The following MAP4K5 variants were observed in gnomAD, a reference collection of about 807,000 sequenced individuals.
MAP4K5 encodes MAPK/ERK kinase kinase kinase 5.
MAP4K5 carries 82 observed loss-of-function variants against 135.6 expected under a neutral mutation model. The ratio of observed to expected loss-of-function variants is 0.60; its 90% CI spans 0.51 to 0.73. MAP4K5 has a LOEUF of 0.73. MAP4K5 is among the 30% of genes least tolerant of loss of function. The pLI is 0.00. For synonymous variants in MAP4K5, 347 were observed against 335.0 expected, an observed-to-expected ratio of 1.04 and a Z score of -0.39; for missense variants, 907 against 1,010.9, an observed-to-expected ratio of 0.90 and a Z score of 1.39.
At chr14:50,448,493 A>T (rs1053203588) in intron 15 of MAP4K5, among the ~76,000 whole-genome samples, 1 of 151,988 alleles carries the variant, frequency 6.6e-6, no homozygotes, top group Non-Finnish European at 1.5e-5. Context: ...AGGTCCTAAG[A>T]GCTTAAAGCT....
At chr14:50,443,093 C>T (rs2036263172) in intron 20 of MAP4K5, among the ~76,000 whole-genome samples, 1 of 152,068 alleles carries the variant, frequency 6.6e-6, no homozygotes, top group Non-Finnish European at 1.5e-5. Context: ...TTTTAAGTTA[C>T]TACTATTTTT....
intron 26 of MAP4K5, among the ~76,000 whole-genome samples, chr14:50,437,274 G>C (rs2036115934): frequency 1.3e-5 from 2 of 152,154 alleles, no homozygotes; most frequent in South Asian, 4.1e-4. Flanking sequence ...TATGCTCTGA[G>C]AAAACGCTAA....
intron 2 of MAP4K5, among the ~76,000 whole-genome samples, chr14:50,523,154 A>G (rs2038186754): frequency 6.6e-6 from 1 of 152,112 alleles, no homozygotes; most frequent in African/African-American, 2.4e-5. Flanking sequence ...TCTACTAAAA[A>G]TACAAAATTA....
Position 50,560,252 on chromosome 14 carries a change from G to C in MAP4K5, c.-180+788C>G, listed in dbSNP as rs769399436. ...CAGTGACAGCGCCTCACCGCCACCAGCTCCTGGACCACCATGGCCAAGAAC... is the reference window on the plus strand; with the variant it reads ...CAGTGACAGCGCCTCACCGCCACCACCTCCTGGACCACCATGGCCAAGAAC... On this transcript the variant is annotated intron_variant, in intron 1 of 8. Coordinates refer to the MAP4K5 transcript ENST00000555216. 8.1e-6 allele frequency: 13 copies of C among 1,613,862 alleles called. No individual in the cohort carries two copies. In the South Asian group the frequency reaches 1.3e-4, roughly 16 times the overall value.
chr14:50,424,649 GCAGTGAGCTGAGATTGTGCCGCTGCACTC>G (rs2035806002), intron 31 of MAP4K5, among the ~76,000 whole-genome samples: 2 of 147,320 alleles, frequency 1.4e-5, no homozygotes, highest in African/African-American at 5.0e-5. Context: ...GGTGGAGGTT[GCAGTGAGCTGAGATTGTGCCGCTGCACTC>G]CAGCCTGGGC....
chr14:50,508,923 C>T (rs2037870507), intron 2 of MAP4K5, among the ~76,000 whole-genome samples: 1 of 152,074 alleles, frequency 6.6e-6, no homozygotes, highest in East Asian at 1.9e-4. Flanking sequence ...TATAAAGACA[C>T]ATGCACATGT....
intron 13 of MAP4K5, among the ~76,000 whole-genome samples, chr14:50,457,606 T>C (rs2036619383): frequency 6.6e-6 from 1 of 151,992 alleles, no homozygotes; most frequent in Non-Finnish European, 1.5e-5. Flanking sequence ...ACTTATTTTC[T>C]GACCCCATCT....
At chr14:50,448,720 A>C in intron 15 of MAP4K5, 54 bp downstream of exon 15, 1 of 1,115,744 alleles carries the variant, frequency 9.0e-7, no homozygotes, top group Non-Finnish European at 1.3e-6. Context: ...CTAACAAAAA[A>C]AAAGTTTTCT....
chr14:50,443,414 C>T (rs1031108528), intron 20 of MAP4K5, among the ~76,000 whole-genome samples: 2 of 152,026 alleles, frequency 1.3e-5, no homozygotes, highest in African/African-American at 4.8e-5. Flanking sequence ...GTGAAAATCA[C>T]TTTAGAGGTA....
intron 13 of MAP4K5, among the ~76,000 whole-genome samples, chr14:50,458,792 T>C (rs1334521742): frequency 6.6e-6 from 1 of 152,068 alleles, no homozygotes; most frequent in East Asian, 1.9e-4. Flanking sequence ...CAAATTTATA[T>C]TTTTATTATT....
intron 11 of MAP4K5, among the ~76,000 whole-genome samples, chr14:50,465,002 C>G (rs568481409): frequency 6.6e-6 from 1 of 152,178 alleles, no homozygotes; most frequent in Non-Finnish European, 1.5e-5. Context: ...CCGTTCAGTT[C>G]CAGATGTCTA....
At chr14:50,462,809 G>A in intron 12 of MAP4K5, 28 bp from the exon 13 acceptor site, 1 of 1,296,288 alleles carries the variant, frequency 7.7e-7, no homozygotes, top group South Asian at 1.2e-5. Context: ...GAAATTTCAT[G>A]AGTATGCCTT....
At chr14:50,533,191 G>A (rs2038443508), upstream of MAP4K5, 1 of 152,198 alleles carries the variant, frequency 6.6e-6, no homozygotes, top group South Asian at 2.1e-4. Flanking sequence ...TGTCCCTGTT[G>A]GGCACACGCA....
chr14:50,457,950 C>T (rs931383938), intron 13 of MAP4K5, among the ~76,000 whole-genome samples: 13 of 152,272 alleles, frequency 8.5e-5, no homozygotes, highest in Non-Finnish European at 2.9e-5. Context: ...CCTGGATAAA[C>T]TCAACTGGTT....
At chr14:50,437,118 C>T (rs900490646) in intron 26 of MAP4K5, among the ~76,000 whole-genome samples, 2 of 152,078 alleles carry the variant, frequency 1.3e-5, no homozygotes, top group Non-Finnish European at 2.9e-5. Context: ...ACTGTTCCCT[C>T]TAACTGCATA....
intron 2 of MAP4K5, among the ~76,000 whole-genome samples, chr14:50,505,462 A>G (rs1333463107): frequency 6.6e-6 from 1 of 152,170 alleles, no homozygotes; most frequent in Non-Finnish European, 1.5e-5. Context: ...AGGGATACAT[A>G]TATCTTAGCT....
intron 3 of MAP4K5, among the ~76,000 whole-genome samples, chr14:50,493,997 C>A (rs1199956619): frequency 6.7e-6 from 1 of 149,200 alleles, no homozygotes; most frequent in African/African-American, 2.5e-5. Flanking sequence ...CAAAAAAAAA[C>A]AAAAACAAAA....
At chr14:50,485,694 AAATACTCTAAGGCTCTCACTCTTTAGC>A in intron 4 of MAP4K5, 52 bp from the exon 5 acceptor site, 1 of 1,117,990 alleles carries the variant, frequency 8.9e-7, no homozygotes, top group East Asian at 2.6e-5. Flanking sequence ...TCAATCACTG[AAATACTCTAAGGCTCTCACTCTTTAGC>A]ACACCAGGGT....
chr14:50,504,328 G>A (rs2037765863), intron 3 of MAP4K5, among the ~76,000 whole-genome samples: 1 of 152,014 alleles, frequency 6.6e-6, no homozygotes, highest in South Asian at 2.1e-4. Flanking sequence ...TATTTGCAAA[G>A]CAAACTATTC....
Sources: allele counts gnomAD v4.1 joint callset (sites outside exome capture counted in the v4.1 genomes callset), GRCh38; gene constraint gnomAD v4.1.1; transcripts MANE v1.5; gene names NCBI Gene and HGNC (gene_info 2026-07-23, HGNC 2026-07-21).